Variants in MARCHF7 observed in about 807,000 individuals in gnomAD.
MARCHF7 encodes membrane associated ring-CH-type finger 7.
MARCHF7 carries 20 observed loss-of-function variants against 76.5 expected under a neutral mutation model. The ratio of observed to expected loss-of-function variants is 0.26; its 90% CI spans 0.18 to 0.38. The LOEUF (loss-of-function observed/expected upper bound fraction) is 0.38, where lower values mean the gene tolerates loss of function less well. MARCHF7 is among the 10% of genes least tolerant of loss of function. MARCHF7 has a pLI of 1.00. For missense variants in MARCHF7, 797 were observed against 812.9 expected (o/e 0.98, Z 0.24); for synonymous variants, 295 against 293.0 (o/e 1.01, Z -0.07).
At chr2:159,725,558 C>T (rs1347687319) in intron 3 of MARCHF7, among the ~76,000 whole-genome samples, 1 of 152,028 alleles carries the variant, frequency 6.6e-6, no homozygotes, top group African/African-American at 2.4e-5. Context: ...AATTTAAGTT[C>T]TTTGTAGATT....
chr2:159,743,140 C>T lies in MARCHF7; in HGVS notation c.233C>T (p.Ser78Leu). 6.2e-7 allele frequency: 1 copy of T among 1,614,150 alleles called. No homozygotes were observed. Among genetic ancestry groups the T allele is most frequent in the Non-Finnish European group, 8.5e-7 (1 of 1,180,022 alleles). Residue 78 changes from serine to leucine, a missense_variant, in exon 5 of 12, where the codon TCA becomes TTA. Physicochemically the swap from Ser to Leu is moderately radical, Grantham distance 145 (BLOSUM62 -2). Coordinates refer to ENST00000409175, the MANE Select transcript of MARCHF7 (RefSeq NM_001282805.2). ...TCTGAGATAACTCAGGGAGCACGCT[C>T]AAGATCGCAGAACCAGCAACGGGAT... ...SESEITQGARSRSQNQQRDHD... is the reference protein window; with the variant it reads ...SESEITQGARLRSQNQQRDHD...
At chr2:159,728,387 G>T (rs1702409287) in intron 3 of MARCHF7, among the ~76,000 whole-genome samples, 1 of 152,210 alleles carries the variant, frequency 6.6e-6, no homozygotes, top group African/African-American at 2.4e-5. Context: ...AGTACCTATT[G>T]TATCCCAGGC....
intron 8 of MARCHF7, among the ~76,000 whole-genome samples, chr2:159,753,358 T>C (rs1705893404): frequency 6.6e-6 from 1 of 151,642 alleles, no homozygotes. Context: ...GATCACGAGG[T>C]CAGGAGATCG....
At chr2:159,750,959 A>C (rs116021701) in intron 7 of MARCHF7, among the ~76,000 whole-genome samples, 158 of 152,326 alleles carry the variant, frequency 1.0e-3, no homozygotes, top group Non-Finnish European at 1.7e-3. Context: ...GCATTGGGCT[A>C]CCATACTCCT....
chr2:159,767,240 T>A (rs374388170), intron 11 of MARCHF7, 44 bp from the exon 12 acceptor site: 79 of 1,400,114 alleles, frequency 5.6e-5, no homozygotes, highest in East Asian at 3.4e-4. Context: ...CCCATTCTTA[T>A]CCCCCTTAAA....
At chr2:159,749,736 G>A (rs548590004) in intron 7 of MARCHF7, among the ~76,000 whole-genome samples, 3 of 125,036 alleles carry the variant, frequency 2.4e-5, no homozygotes, top group Non-Finnish European at 3.6e-5. Flanking sequence ...AATGGTTGGG[G>A]CGGGGGGGGC....
intron 4 of MARCHF7, among the ~76,000 whole-genome samples, chr2:159,735,156 A>G (rs898272872): frequency 2.0e-5 from 3 of 152,172 alleles, no homozygotes; most frequent in African/African-American, 4.8e-5. Context: ...GCTCATGGCT[A>G]AGGTAATGTT....
chr2:159,734,139 AAAG>A (rs772789343), intron 4 of MARCHF7: 91 of 1,172,944 alleles, frequency 7.8e-5, no homozygotes, highest in Non-Finnish European at 9.4e-5. Context: ...ATATTGTTAA[AAAG>A]GGGTTATTTG....
chr2:159,765,429 G>T (rs989622162), intron 11 of MARCHF7, among the ~76,000 whole-genome samples: 2 of 152,004 alleles, frequency 1.3e-5, no homozygotes, highest in Non-Finnish European at 2.9e-5. Flanking sequence ...CATAGGTATT[G>T]GTGGCTCTGG....
At chr2:159,738,264 C>T (rs78345074) in intron 4 of MARCHF7, among the ~76,000 whole-genome samples, 3,537 of 152,240 alleles carry the variant, frequency 0.023, 40 homozygotes, top group South Asian at 0.044. Context: ...AACTACAGAG[C>T]CCCAAAGAGG....
At chr2:159,742,878 A>C (rs1704308848) in intron 4 of MARCHF7, among the ~76,000 whole-genome samples, 183 bp from the exon 5 acceptor site, 3 of 152,138 alleles carry the variant, frequency 2.0e-5, no homozygotes, top group Non-Finnish European at 4.4e-5. Flanking sequence ...CAAAGGTTAC[A>C]GTGAGCCAAG....
At chr2:159,743,687 G>T (rs1574339157) in intron 5 of MARCHF7, among the ~76,000 whole-genome samples, 1 of 151,866 alleles carries the variant, frequency 6.6e-6, no homozygotes, top group African/African-American at 2.4e-5. Flanking sequence ...ATCGCTTGAG[G>T]CCAGGAGTTT....
intron 1 of MARCHF7, among the ~76,000 whole-genome samples, chr2:159,714,012 A>G (rs547626773): frequency 2.0e-5 from 3 of 152,324 alleles, no homozygotes; most frequent in African/African-American, 7.2e-5. Context: ...GCCACCTGGA[A>G]GAGGGCTATT....
In MARCHF7 at chr2:159,751,457, T is replaced by C. The variant is rs895872627; in HGVS notation, c.1614-945T>C. Among the ~76,000 whole-genome samples, 6 of 152,226 alleles carry C rather than the reference T, an allele frequency of 3.9e-5. No individual in the cohort carries two copies. The East Asian group carries it at 7.7e-4, about 19-fold the overall frequency. On this transcript the variant is annotated intron_variant, in intron 7 of 11. Transcript: ENST00000409175. Reference sequence around the variant, plus strand: ...AGGGAAGAAAGTTAAAGGTAAAATGTAAATACCATGTTTTCAATCTTTAAA... The same window carrying C: ...AGGGAAGAAAGTTAAAGGTAAAATGCAAATACCATGTTTTCAATCTTTAAA...
intron 4 of MARCHF7, among the ~76,000 whole-genome samples, chr2:159,737,783 T>C (rs1204808091): frequency 6.6e-6 from 1 of 152,194 alleles, no homozygotes; most frequent in African/African-American, 2.4e-5. Context: ...GCTGAGACCC[T>C]GTCTCAAAAT....
At chr2:159,764,212 T>G (rs1032196561) in intron 10 of MARCHF7, among the ~76,000 whole-genome samples, 137 of 138,636 alleles carry the variant, frequency 9.9e-4, no homozygotes, top group East Asian at 3.0e-3. Flanking sequence ...CTTGGGAGTT[T>G]TGTGTGTGTG....
At chr2:159,737,318 C>A (rs1467630397) in intron 4 of MARCHF7, among the ~76,000 whole-genome samples, 1 of 152,086 alleles carries the variant, frequency 6.6e-6, no homozygotes, top group Non-Finnish European at 1.5e-5. Context: ...AGAACTCTTA[C>A]CTCTCAACAA....
Position 159,743,974 on chromosome 2 carries a change from CTTTTTTTTTTTT to C in MARCHF7, c.346+740_346+751del, listed in dbSNP as rs1170864400. On this transcript the variant is annotated intron_variant, in intron 5 of 11. Coordinates refer to ENST00000409175, the MANE Select transcript of MARCHF7 (RefSeq NM_001282805.2). ...AATGGTGGTTATTTTAGTAGGAGTT[CTTTTTTTTTTTT>C]TTTTTTTTTTTTTTTTTTGGAGACG... 1.5e-3 allele frequency among the ~76,000 whole-genome samples: 92 copies of C among 60,614 alleles called. 1 individual carries two copies. Among genetic ancestry groups the C allele is most frequent in the South Asian group, 6.4e-3 (11 of 1,730 alleles). 39.8% of individuals were successfully genotyped at this position (60,614 alleles called of 152,430 possible). A position where few individuals can be genotyped will look rare whatever the true frequency, so the allele number is the denominator to read the frequency against.
At chr2:159,764,600 T>C (rs1707537124) in intron 10 of MARCHF7, 26 bp from the exon 11 acceptor site, 9 of 1,552,390 alleles carry the variant, frequency 5.8e-6, no homozygotes, top group Non-Finnish European at 7.0e-6. Context: ...TTTAAACTAC[T>C]GTATTTCTTT....
Sources: gnomAD v4.1 joint callset for allele counts (sites outside exome capture counted in the v4.1 genomes callset) on GRCh38, gnomAD v4.1.1 for gene constraint, MANE v1.5 for transcripts, NCBI Gene and HGNC (gene_info 2026-07-23, HGNC 2026-07-21) for gene names.